Variants in NLK observed in about 807,000 individuals in gnomAD.
The protein encoded by NLK is nemo like kinase, also known as serine/threonine-protein kinase NLK.
Under a neutral mutation model 59.0 loss-of-function variants are expected in NLK, and 11 were observed. That is an observed-to-expected ratio of 0.19 (90% CI 0.12 to 0.31). The LOEUF is 0.31. NLK is among the 10% of genes least tolerant of loss of function. The pLI, the probability that NLK is intolerant of heterozygous loss-of-function variation, is 1.00. For missense variants in NLK, 410 were observed against 661.1 expected (o/e 0.62, Z 4.16); for synonymous variants, 235 against 235.9 (o/e 1.00, Z 0.03).
intron 2 of NLK, among the ~76,000 whole-genome samples, chr17:28,126,564 G>A (rs1013870905): frequency 2.0e-5 from 3 of 152,152 alleles, no homozygotes; most frequent in Non-Finnish European, 4.4e-5. Context: ...TTTTAATTTG[G>A]ATGGCTTTTT....
intron 1 of NLK, among the ~76,000 whole-genome samples, chr17:28,111,103 C>A (rs902250705): frequency 6.6e-6 from 1 of 152,178 alleles, no homozygotes; most frequent in Non-Finnish European, 1.5e-5. Context: ...TCCTTTAATT[C>A]TTTGAGCATA....
At chr17:28,152,677 G>A (rs1219778609) in intron 3 of NLK, among the ~76,000 whole-genome samples, 1 of 151,884 alleles carries the variant, frequency 6.6e-6, no homozygotes, top group East Asian at 1.9e-4. Flanking sequence ...AGGTGGGAGT[G>A]CGGTGGTGCA....
chr17:28,107,235 A>T (rs1905214833), intron 1 of NLK, among the ~76,000 whole-genome samples: 1 of 151,994 alleles, frequency 6.6e-6, no homozygotes, highest in Non-Finnish European at 1.5e-5. Flanking sequence ...GGAGTTCAAG[A>T]CCAGCCTGGC....
At chr17:28,050,235 A>G (rs1052995233) in intron 1 of NLK, among the ~76,000 whole-genome samples, 1 of 152,114 alleles carries the variant, frequency 6.6e-6, no homozygotes, top group Non-Finnish European at 1.5e-5. Flanking sequence ...TTCTTCAATG[A>G]GTTTTAAGAA....
At chr17:28,193,651 G>A (rs980270125) in intron 10 of NLK, among the ~76,000 whole-genome samples, 4 of 152,116 alleles carry the variant, frequency 2.6e-5, no homozygotes, top group African/African-American at 7.2e-5. Context: ...TATCTTCCCC[G>A]CTGCCTTTCT....
intron 1 of NLK, among the ~76,000 whole-genome samples, chr17:28,103,912 A>G (rs956050936): frequency 1.3e-5 from 2 of 152,212 alleles, no homozygotes; most frequent in Non-Finnish European, 2.9e-5. Flanking sequence ...GATTACCATT[A>G]TTATTTAATA....
intron 6 of NLK, among the ~76,000 whole-genome samples, chr17:28,170,883 A>AT (rs1447562758): frequency 6.6e-6 from 1 of 152,192 alleles, no homozygotes; most frequent in Non-Finnish European, 1.5e-5. Flanking sequence ...CTGCAGGAGA[A>AT]TTCATGTCTG....
chr17:28,184,075 T>G (rs888810993), intron 7 of NLK, among the ~76,000 whole-genome samples: 1 of 152,232 alleles, frequency 6.6e-6, no homozygotes, highest in African/African-American at 2.4e-5. Flanking sequence ...GCCACCTCCC[T>G]GCTTCACAGA....
chr17:28,111,248 G>A (rs138415479), intron 1 of NLK, among the ~76,000 whole-genome samples: 98 of 151,730 alleles, frequency 6.5e-4, no homozygotes, highest in African/African-American at 2.3e-3. Context: ...GTGCAGTGGC[G>A]CAATCTCAGC....
intron 1 of NLK, among the ~76,000 whole-genome samples, chr17:28,122,356 T>C (rs1218526772): frequency 6.6e-6 from 1 of 152,164 alleles, no homozygotes; most frequent in Non-Finnish European, 1.5e-5. Flanking sequence ...TAAGTGTTTA[T>C]AGAAATTTAG....
At chr17:28,160,099 C>A (rs80094589) in intron 3 of NLK, among the ~76,000 whole-genome samples, 1 of 152,254 alleles carries the variant, frequency 6.6e-6, no homozygotes, top group African/African-American at 2.4e-5. Context: ...TGGCAGTCTG[C>A]AGCATGGATG....
rs553654655 is a variant in NLK, at chr17:28,084,308, A to T, written c.459-38295A>T. Among the ~76,000 whole-genome samples the T allele has an allele frequency of 4.6e-5, 7 of 152,332 alleles. No individual in the cohort carries two copies. In the East Asian group the frequency reaches 1.3e-3, roughly 29 times the overall value. ...TTTAACACATGGTAGGTAGTCAAAA[A>T]ATGTTGCAGCACATACTTATTGATA... On this transcript the variant is annotated intron_variant, in intron 1 of 10. Transcript: ENST00000407008.
At chr17:28,170,456 A>C (rs1016891006) in intron 6 of NLK, among the ~76,000 whole-genome samples, 7 of 151,844 alleles carry the variant, frequency 4.6e-5, no homozygotes, top group African/African-American at 1.7e-4. Flanking sequence ...GCTTTTATCA[A>C]CATTTAAATT....
At chr17:28,172,940 A>G (rs1437069038) in intron 7 of NLK, among the ~76,000 whole-genome samples, 2 of 152,170 alleles carry the variant, frequency 1.3e-5, no homozygotes, top group African/African-American at 4.8e-5. Context: ...AACCTACTAC[A>G]TGTATATCAA....
At chr17:28,121,478 TC>T (rs2142817797) in intron 1 of NLK, among the ~76,000 whole-genome samples, 1 of 148,072 alleles carries the variant, frequency 6.8e-6, no homozygotes. Flanking sequence ...TATTGGTATT[TC>T]TTTTTTCTTT....
chr17:28,093,713 G>A (rs913891816), intron 1 of NLK, among the ~76,000 whole-genome samples: 10 of 152,174 alleles, frequency 6.6e-5, no homozygotes, highest in African/African-American at 1.7e-4. Flanking sequence ...TACGTAACAC[G>A]TGGCAAGTTC....
chr17:28,168,795 A>T, intron 6 of NLK, 138 bp downstream of exon 6: 1 of 636,698 alleles, frequency 1.6e-6, no homozygotes, highest in East Asian at 2.7e-5. Flanking sequence ...TAAAATTCAG[A>T]AAGTTATAAA....
chr17:28,057,107 A>G (rs1201447791), intron 1 of NLK, among the ~76,000 whole-genome samples: 1 of 151,894 alleles, frequency 6.6e-6, no homozygotes, highest in African/African-American at 2.4e-5. Flanking sequence ...GGCATGCACC[A>G]CCACGCCCGG....
At chr17:28,202,687 C>CTTTTTTTT in the NLK span, among the ~76,000 whole-genome samples, 2 of 133,428 alleles carry the variant, frequency 1.5e-5, no homozygotes, top group Admixed American at 7.6e-5. Flanking sequence ...TCTTTTTTTT[C>CTTTTTTTT]TTTTTTTTTT....
Sources: allele counts gnomAD v4.1 joint callset (sites outside exome capture counted in the v4.1 genomes callset), GRCh38; gene constraint gnomAD v4.1.1; transcripts MANE v1.5; gene names NCBI Gene and HGNC (gene_info 2026-07-23, HGNC 2026-07-21).